The following KATNAL2 variants were observed in gnomAD, a reference collection of about 807,000 sequenced individuals.
The protein encoded by KATNAL2 is katanin catalytic subunit A1 like 2.
In KATNAL2, 52 loss-of-function variants were observed where a neutral mutation model predicts 76.3. The observed-to-expected ratio is 0.68, with a 90% confidence interval of 0.55 to 0.86. The LOEUF (loss-of-function observed/expected upper bound fraction) is 0.86. Among genes scored for constraint, KATNAL2 ranks in the 40% least tolerant of loss-of-function variants. The pLI is 0.00. For synonymous variants in KATNAL2, 243 were observed against 244.2 expected (o/e 1.00, Z 0.05); for missense variants, 660 against 668.9 (o/e 0.99, Z 0.15).
intron 3 of KATNAL2, chr18:47,034,285 T>C: frequency 6.2e-7 from 1 of 1,613,740 alleles, no homozygotes; most frequent in Non-Finnish European, 8.5e-7. Context: ...GTGTGTCCCA[T>C]TTCCTGGGTC....
At chr18:47,067,545 G>A (rs561956421) in intron 11 of KATNAL2, among the ~76,000 whole-genome samples, 22 of 152,218 alleles carry the variant, frequency 1.4e-4, no homozygotes, top group African/African-American at 5.3e-4. Context: ...CTTTGCTTCT[G>A]GCTGGTTGTG....
At chr18:46,969,344 T>TGGCAGGCAGGCCTGGAGCC in intron 3 of KATNAL2, 1 of 1,191,534 alleles carries the variant, frequency 8.4e-7, no homozygotes, top group Non-Finnish European at 1.2e-6. Flanking sequence ...CACCTGGAGC[T>TGGCAGGCAGGCCTGGAGCC]GGCAGGCAGG....
intron 3 of KATNAL2, among the ~76,000 whole-genome samples, chr18:46,954,982 G>T (rs1251995512): frequency 2.6e-5 from 4 of 151,808 alleles, no homozygotes; most frequent in African/African-American, 4.8e-5. Context: ...TTTCCCTGTA[G>T]GTGTTGGTTT....
Position 46,960,354 on chromosome 18 carries a change from G to T in KATNAL2, c.51+13431G>T, listed in dbSNP as rs148005095. On this transcript the variant is annotated intron_variant, in intron 3 of 17. Coordinates refer to ENST00000683218, the MANE Select transcript of KATNAL2 (RefSeq NM_001387690.1). ...CTCGGGAGGCTAATTGCTTGAACTGGGGTGGGTGGAGGTTATAGTGAACCG... is the reference window on the plus strand; with the variant it reads ...CTCGGGAGGCTAATTGCTTGAACTGTGGTGGGTGGAGGTTATAGTGAACCG... Among the ~76,000 whole-genome samples, 6 of 152,072 alleles carry T rather than the reference G, an allele frequency of 3.9e-5. No individual in the cohort carries two copies. In the East Asian group the frequency reaches 1.2e-3, roughly 29 times the overall value.
At chr18:47,084,132 T>A (rs547626427) in intron 15 of KATNAL2, among the ~76,000 whole-genome samples, 4 of 152,294 alleles carry the variant, frequency 2.6e-5, no homozygotes, top group African/African-American at 9.6e-5. Context: ...CTCACTTGTG[T>A]CATCGCCTGG....
At chr18:46,923,819 TG>T (rs1356160184) in intron 1 of KATNAL2, among the ~76,000 whole-genome samples, 5 of 152,358 alleles carry the variant, frequency 3.3e-5, no homozygotes, top group Middle Eastern at 6.8e-3. Context: ...ATTTCTCTGA[TG>T]GCCAGTGATG....
intron 15 of KATNAL2, among the ~76,000 whole-genome samples, chr18:47,088,510 G>GT (rs764878113): frequency 1.3e-5 from 2 of 152,026 alleles, no homozygotes; most frequent in African/African-American, 2.4e-5. Context: ...TCTGTTGTTA[G>GT]TTTTTTTCTG....
intron 4 of KATNAL2, among the ~76,000 whole-genome samples, chr18:47,047,751 A>G (rs2061206181): frequency 6.6e-6 from 1 of 151,710 alleles, no homozygotes; most frequent in African/African-American, 2.4e-5. Flanking sequence ...TGGGGGTCTC[A>G]CTCTGTTGCC....
intron 8 of KATNAL2, among the ~76,000 whole-genome samples, chr18:47,062,104 G>C (rs1450391125): frequency 6.6e-6 from 1 of 152,128 alleles, no homozygotes; most frequent in Non-Finnish European, 1.5e-5. Flanking sequence ...AGTAGGCTGG[G>C]TATGCTGGTT....
At chr18:46,932,673 CAAAAAAAAAA>C (rs1162695359) in intron 1 of KATNAL2, among the ~76,000 whole-genome samples, 1 of 42,852 alleles carries the variant, frequency 2.3e-5, no homozygotes, top group Non-Finnish European at 4.1e-5. Context: ...GACTCTGTCT[CAAAAAAAAAA>C]AAAAAAAAAA....
At chr18:46,957,481 A>C (rs554535872) in intron 3 of KATNAL2, among the ~76,000 whole-genome samples, 1 of 148,946 alleles carries the variant, frequency 6.7e-6, no homozygotes, top group Admixed American at 6.7e-5. Flanking sequence ...GTCTCCATCT[A>C]CTGAACTCGT....
chr18:47,089,863 G>A (rs767736077), intron 15 of KATNAL2, among the ~76,000 whole-genome samples: 45 of 152,248 alleles, frequency 3.0e-4, no homozygotes, highest in Non-Finnish European at 3.1e-4. Context: ...CATGAAGTAA[G>A]TAGCCCTGCA....
At chr18:46,931,124 T>TAAC (rs2058900806) in intron 1 of KATNAL2, among the ~76,000 whole-genome samples, 1 of 124,318 alleles carries the variant, frequency 8.0e-6, no homozygotes. Context: ...ATAATAATAA[T>TAAC]AATAATAATA....
chr18:46,926,573 T>A (rs1388374392), intron 1 of KATNAL2, among the ~76,000 whole-genome samples: 2 of 152,182 alleles, frequency 1.3e-5, no homozygotes, highest in Non-Finnish European at 2.9e-5. Flanking sequence ...TGATTTGAGG[T>A]GGAGAGTTCT....
intron 3 of KATNAL2, among the ~76,000 whole-genome samples, chr18:46,960,038 T>TA (rs1294232012): frequency 2.6e-5 from 4 of 152,010 alleles, no homozygotes; most frequent in Non-Finnish European, 4.4e-5. Context: ...AACATATGAG[T>TA]AAACTCTTTT....
intron 4 of KATNAL2, among the ~76,000 whole-genome samples, chr18:47,046,765 CTG>C: frequency 6.6e-6 from 1 of 152,126 alleles, no homozygotes. Flanking sequence ...ACATTATTAA[CTG>C]AAGTCCATAG....
At chr18:47,040,308 GT>G (rs1176989474) in intron 3 of KATNAL2, among the ~76,000 whole-genome samples, 1 of 152,224 alleles carries the variant, frequency 6.6e-6, no homozygotes, top group Non-Finnish European at 1.5e-5. Context: ...TTTCTGGCAA[GT>G]TTGGCCCACA....
Position 47,069,501 on chromosome 18 carries a change from G to T in KATNAL2, c.909G>T (p.Leu303=), listed in dbSNP as rs151109801. The part of the protein sequence containing the change: ...YGPPGTGKTL[L]AKAVATECKT... ...CTTTAGGTACAGGAAAGACTTTACT[G>T]GCCAAAGCTGTGGCCACTGAATGTA... The change falls in exon 13 of 18, where the codon CTG becomes CTT. Residue 303 remains leucine, a synonymous_variant. Coordinates refer to ENST00000683218, the MANE Select transcript of KATNAL2 (RefSeq NM_001387690.1). 1 of 1,613,194 alleles carries T rather than the reference G, an allele frequency of 6.2e-7. No individual in the cohort carries two copies. The highest frequency in any genetic ancestry group is 8.5e-7 in the Non-Finnish European group (1 of 1,179,498).
At position 47,100,243 on chromosome 18, in the gene KATNAL2, G is replaced by A. The variant is rs767824307; in HGVS notation, c.1375-11G>A. The A allele has an allele frequency of 6.2e-7, 1 of 1,608,806 alleles. No homozygotes were observed. The highest frequency in any genetic ancestry group is 2.2e-5 in the East Asian group (1 of 44,848). On this transcript the variant is annotated splice_polypyrimidine_tract_variant and intron_variant, in intron 16 of 17. Transcript: ENST00000683218. ...CCCACTGACCAATGGCTGGTTTTTT[G>A]GCTGTTTCAGGAGACTGAGGGCTAC...
Sources: allele counts gnomAD v4.1 joint callset (sites outside exome capture counted in the v4.1 genomes callset), GRCh38; gene constraint gnomAD v4.1.1; transcripts MANE v1.5; gene names NCBI Gene and HGNC (gene_info 2026-07-23, HGNC 2026-07-21).